The following KCND2 variants were observed in gnomAD, a reference collection of about 807,000 sequenced individuals.
KCND2 encodes the protein A-type voltage-gated potassium channel KCND2.
In KCND2, 16 loss-of-function variants were observed where a neutral mutation model predicts 54.4. That is an observed-to-expected ratio of 0.29 (90% CI 0.20 to 0.45). KCND2 has a LOEUF of 0.45. Ranked by LOEUF, KCND2 falls within the 20% of genes least tolerant of loss-of-function variation. KCND2 has a pLI of 1.00. For missense variants in KCND2, 486 were observed against 824.2 expected, an observed-to-expected ratio of 0.59 and a Z score of 5.02; for synonymous variants, 317 against 310.7, an observed-to-expected ratio of 1.02 and a Z score of -0.21.
At chr7:120,317,808 CA>C (rs917371378) in intron 1 of KCND2, among the ~76,000 whole-genome samples, 1 of 152,084 alleles carries the variant, frequency 6.6e-6, no homozygotes, top group Admixed American at 6.6e-5. Context: ...CGTAAAACCC[CA>C]CAGTTTTATG....
At chr7:120,597,164 C>T (rs926824475) in intron 1 of KCND2, among the ~76,000 whole-genome samples, 1 of 152,140 alleles carries the variant, frequency 6.6e-6, no homozygotes, top group African/African-American at 2.4e-5. Context: ...CTAGGAACGG[C>T]AGCCCTGGTG....
intron 1 of KCND2, among the ~76,000 whole-genome samples, chr7:120,636,766 G>A (rs1469249389): frequency 6.6e-6 from 1 of 152,078 alleles, no homozygotes; most frequent in East Asian, 1.9e-4. Context: ...CATTAATTAG[G>A]TCAAACAAAA....
chr7:120,343,780 A>G (rs1800274738), intron 1 of KCND2, among the ~76,000 whole-genome samples: 1 of 152,198 alleles, frequency 6.6e-6, no homozygotes, highest in Admixed American at 6.5e-5. Context: ...TTTATTTTAT[A>G]TTACCCAGAA....
At position 120,549,544 on chromosome 7, in the gene KCND2, G is replaced by A. The variant is rs536636880; in HGVS notation, c.1116-183359G>A. Among the ~76,000 whole-genome samples the A allele has an allele frequency of 7.2e-5, 11 of 152,284 alleles. No individual in the cohort carries two copies. The South Asian group carries it at 1.9e-3, about 26-fold the overall frequency. ...GTTATTACTTAACTGACATGTTGCTGCAAATTATAGCTAGAGCACAGTAGT... is the reference window on the plus strand; with the variant it reads ...GTTATTACTTAACTGACATGTTGCTACAAATTATAGCTAGAGCACAGTAGT... On this transcript the variant is annotated intron_variant, in intron 1 of 5. Transcript: ENST00000331113.
intron 1 of KCND2, among the ~76,000 whole-genome samples, chr7:120,610,837 T>G (rs984277708): frequency 8.0e-4 from 122 of 152,208 alleles, no homozygotes; most frequent in African/African-American, 2.9e-3. Context: ...TCTGCTCACC[T>G]TGTTTTTATT....
intron 1 of KCND2, among the ~76,000 whole-genome samples, chr7:120,695,401 A>T (rs1027616789): frequency 1.1e-4 from 17 of 152,166 alleles, no homozygotes; most frequent in African/African-American, 4.1e-4. Context: ...TTAATATTTT[A>T]TATTTTCTCT....
intron 1 of KCND2, among the ~76,000 whole-genome samples, chr7:120,375,831 A>G (rs747445670): frequency 6.6e-6 from 1 of 151,864 alleles, no homozygotes; most frequent in Non-Finnish European, 1.5e-5. Context: ...TAAGGCCAGC[A>G]TGACCTACAA....
intron 1 of KCND2, among the ~76,000 whole-genome samples, chr7:120,721,499 C>T (rs1371125102): frequency 1.3e-5 from 2 of 152,096 alleles, no homozygotes; most frequent in Non-Finnish European, 2.9e-5. Context: ...TAAACATAAG[C>T]TCCCGGATTC....
rs189262654 is a variant in KCND2 at position 120,602,039 on chromosome 7, T to C, written c.1116-130864T>C. ...ATCTGCAGCAGCAGCCATCATTAGC[T>C]ATTGCTCTTCCCTACGAACTGAAAA... is the stretch of plus-strand genomic sequence containing the variant. On this transcript the variant is annotated intron_variant, in intron 1 of 5. Coordinates refer to ENST00000331113, the MANE Select transcript of KCND2 (RefSeq NM_012281.3). Among the ~76,000 whole-genome samples the C allele has an allele frequency of 4.4e-3, 676 of 152,316 alleles. 25 individuals are homozygous for C. Among genetic ancestry groups the C allele is most frequent in the Admixed American group, 0.042 (637 of 15,290 alleles).
intron 1 of KCND2, among the ~76,000 whole-genome samples, chr7:120,688,940 A>G (rs192749976): frequency 1.3e-5 from 2 of 152,308 alleles, no homozygotes; most frequent in Admixed American, 1.3e-4. Context: ...GACCCTGAAA[A>G]TGAAAATAAG....
chr7:120,656,775 T>G (rs890162708), intron 1 of KCND2, among the ~76,000 whole-genome samples: 1 of 152,214 alleles, frequency 6.6e-6, no homozygotes, highest in East Asian at 1.9e-4. Context: ...TTCTTTCACC[T>G]TGTGCAAAAT....
At chr7:120,568,557 A>G (rs928391168) in intron 1 of KCND2, among the ~76,000 whole-genome samples, 155 of 152,262 alleles carry the variant, frequency 1.0e-3, no homozygotes, top group Non-Finnish European at 2.8e-4. Context: ...TATGTGGCAA[A>G]TGTTCCAGCC....
At chr7:120,581,971 C>T (rs984751325) in intron 1 of KCND2, among the ~76,000 whole-genome samples, 2 of 152,150 alleles carry the variant, frequency 1.3e-5, no homozygotes, top group African/African-American at 4.8e-5. Flanking sequence ...GCCTCAGCCT[C>T]CCGAAGTGCT....
chr7:120,674,053 G>A lies in KCND2; in HGVS notation c.1116-58850G>A, dbSNP rs1266134305. Among the ~76,000 whole-genome samples the A allele has an allele frequency of 7.2e-5, 11 of 151,846 alleles. 1 individual carries two copies. The highest frequency in any genetic ancestry group is 2.0e-4 in the Admixed American group (3 of 15,264). ...CCAAGTAGCTGGGACGCAGACATGC[G>A]TCACCACGCTGGGCTAATTTTTGTA... On this transcript the variant is annotated intron_variant, in intron 1 of 5. Transcript: ENST00000331113.
chr7:120,357,536 C>A lies in KCND2; in HGVS notation c.1115+81789C>A, dbSNP rs560462534. Among the ~76,000 whole-genome samples, 64 of 152,138 alleles carry A rather than the reference C, an allele frequency of 4.2e-4. 1 individual carries two copies. Among genetic ancestry groups the A allele is most frequent in the African/African-American group, 1.4e-3 (58 of 41,504 alleles). On this transcript the variant is annotated intron_variant, in intron 1 of 5. Coordinates refer to ENST00000331113, the MANE Select transcript of KCND2 (RefSeq NM_012281.3). ...ATTGCAATAAATAAACTATTCCTAG[C>A]ATTGTAAGAGATTTTTAGAAATTAG...
intron 1 of KCND2, among the ~76,000 whole-genome samples, chr7:120,723,412 G>A (rs1420618785): frequency 6.6e-6 from 1 of 152,190 alleles, no homozygotes; most frequent in Non-Finnish European, 1.5e-5. Flanking sequence ...AAGATTAGTA[G>A]CATCCAAGAG....
chr7:120,319,565 G>C (rs1442751661), intron 1 of KCND2, among the ~76,000 whole-genome samples: 1 of 151,986 alleles, frequency 6.6e-6, no homozygotes, highest in Non-Finnish European at 1.5e-5. Flanking sequence ...GCTTCTAAAG[G>C]CAGGTCAAAA....
intron 1 of KCND2, among the ~76,000 whole-genome samples, chr7:120,506,577 T>G (rs140930434): frequency 6.6e-6 from 1 of 151,888 alleles, no homozygotes; most frequent in African/African-American, 2.4e-5. Context: ...TTACAAAACA[T>G]TTATTTTCAT....
At chr7:120,364,530 A>C (rs779370374) in intron 1 of KCND2, among the ~76,000 whole-genome samples, 5 of 152,128 alleles carry the variant, frequency 3.3e-5, no homozygotes, top group Non-Finnish European at 5.9e-5. Flanking sequence ...ATTTAGGATT[A>C]ATGCAATAGG....
Sources: allele counts gnomAD v4.1 joint callset (sites outside exome capture counted in the v4.1 genomes callset), GRCh38; gene constraint gnomAD v4.1.1; transcripts MANE v1.5; gene names NCBI Gene and HGNC (gene_info 2026-07-23, HGNC 2026-07-21).